ZNF804B: variants seen among roughly 807,000 people sequenced by gnomAD.
The protein encoded by ZNF804B is zinc finger 804B.
A neutral mutation model predicts 101.4 loss-of-function variants in ZNF804B; 80 were observed. That is an observed-to-expected ratio of 0.79 (90% confidence interval 0.66 to 0.95). The LOEUF is 0.95. ZNF804B is among the 40% of genes least tolerant of loss of function. The pLI, the probability that ZNF804B is intolerant of heterozygous loss-of-function variation, is 0.00. For synonymous variants in ZNF804B, 622 were observed against 558.8 expected, an observed-to-expected ratio of 1.11 and a Z score of -1.59; for missense variants, 1,673 against 1,561.9, an observed-to-expected ratio of 1.07 and a Z score of -1.20.
chr7:89,121,336 A>G (rs1583998688), intron 1 of ZNF804B, among the ~76,000 whole-genome samples: 1 of 151,908 alleles, frequency 6.6e-6, no homozygotes, highest in Admixed American at 6.6e-5. Context: ...GTGAGTTGTT[A>G]AGATGTCTCT....
intron 1 of ZNF804B, among the ~76,000 whole-genome samples, chr7:88,951,206 A>G (rs1793212396): frequency 6.6e-6 from 1 of 151,856 alleles, no homozygotes; most frequent in Non-Finnish European, 1.5e-5. Flanking sequence ...TTTCTATGTT[A>G]GTGCTTAGTC....
At chr7:88,953,488 G>A (rs988908782) in intron 1 of ZNF804B, among the ~76,000 whole-genome samples, 1 of 151,666 alleles carries the variant, frequency 6.6e-6, no homozygotes, top group Non-Finnish European at 1.5e-5. Flanking sequence ...TTTATTGTCT[G>A]TCTTGATTTT....
intron 1 of ZNF804B, among the ~76,000 whole-genome samples, chr7:88,867,436 G>A (rs557509505): frequency 6.6e-6 from 1 of 152,162 alleles, no homozygotes; most frequent in Non-Finnish European, 1.5e-5. Context: ...GAAAAAGGGT[G>A]TCCCAGATCC....
chr7:89,269,457 C>A (rs1041971014), intron 2 of ZNF804B, among the ~76,000 whole-genome samples: 2 of 152,198 alleles, frequency 1.3e-5, no homozygotes, highest in African/African-American at 2.4e-5. Flanking sequence ...TTAATCCAGT[C>A]TGTCATTGGT....
intron 1 of ZNF804B, among the ~76,000 whole-genome samples, chr7:89,101,255 T>C (rs1790051129): frequency 6.6e-6 from 1 of 152,014 alleles, no homozygotes; most frequent in Non-Finnish European, 1.5e-5. Flanking sequence ...TTGAGCTATT[T>C]TCATGGTGTG....
intron 2 of ZNF804B, among the ~76,000 whole-genome samples, chr7:89,256,622 A>T (rs894888017): frequency 7.2e-5 from 11 of 152,196 alleles, no homozygotes; most frequent in Non-Finnish European, 1.5e-4. Flanking sequence ...ATCACATCCA[A>T]ATAGATGAAG....
Position 89,218,205 on chromosome 7 carries a change from A to C in ZNF804B, c.159A>C (p.Ala53=), listed in dbSNP as rs1441986147. Residue 53 remains alanine, a synonymous_variant, in exon 2 of 4, where the codon GCA becomes GCC. Coordinates refer to ENST00000333190, the MANE Select transcript of ZNF804B (RefSeq NM_181646.5). ...STAKALEDVK[A]NFYCELCDKQ... ...CAAAGGCCCTGGAAGATGTAAAGGC[A>C]AACTTTTACTGTGAATTATGTGACA... The C allele has an allele frequency of 1.2e-6, 2 of 1,613,940 alleles. No individual in the cohort carries two copies. Among genetic ancestry groups the C allele is most frequent in the East Asian group, 4.5e-5 (2 of 44,844 alleles).
intron 2 of ZNF804B, among the ~76,000 whole-genome samples, chr7:89,323,274 A>C (rs1790847709): frequency 6.6e-6 from 1 of 152,238 alleles, no homozygotes; most frequent in Non-Finnish European, 1.5e-5. Flanking sequence ...GTGGTATTCT[A>C]TTATAGCAAA....
intron 1 of ZNF804B, among the ~76,000 whole-genome samples, chr7:89,196,071 A>G (rs951184990): frequency 5.9e-5 from 9 of 152,150 alleles, no homozygotes; most frequent in African/African-American, 1.7e-4. Flanking sequence ...TTCATATGGA[A>G]CCAAAAAAAG....
intron 1 of ZNF804B, among the ~76,000 whole-genome samples, chr7:89,051,768 T>C (rs1789209164): frequency 6.6e-6 from 1 of 152,156 alleles, no homozygotes; most frequent in Non-Finnish European, 1.5e-5. Context: ...TATAGTGTCA[T>C]GGTTACAAGC....
intron 1 of ZNF804B, among the ~76,000 whole-genome samples, chr7:89,084,615 T>A (rs1256633345): frequency 6.6e-6 from 1 of 151,996 alleles, no homozygotes; most frequent in Non-Finnish European, 1.5e-5. Context: ...CTTCCAGATC[T>A]GACTTAGATT....
chr7:89,155,942 C>CCTT (rs1554371227), intron 1 of ZNF804B, among the ~76,000 whole-genome samples: 1 of 149,512 alleles, frequency 6.7e-6, no homozygotes, highest in Non-Finnish European at 1.5e-5. Context: ...CCCTTTCTCT[C>CCTT]CCTTCCTACC....
chr7:88,850,835 A>G (rs1013070711), intron 1 of ZNF804B, among the ~76,000 whole-genome samples: 2 of 152,264 alleles, frequency 1.3e-5, no homozygotes, highest in Non-Finnish European at 2.9e-5. Context: ...TAATCCATAA[A>G]TGACACAGAT....
Position 89,011,794 on chromosome 7 carries a change from G to C in ZNF804B, c.109-206361G>C, listed in dbSNP as rs541498890. Among the ~76,000 whole-genome samples, 10 of 152,238 alleles carry C rather than the reference G, an allele frequency of 6.6e-5. No homozygotes were observed. In the South Asian group the frequency reaches 2.1e-3, roughly 32 times the overall value. On this transcript the variant is annotated intron_variant, in intron 1 of 3. Coordinates refer to ENST00000333190, the MANE Select transcript of ZNF804B (RefSeq NM_181646.5). ...CTCGCAGCTTTTATGGGCTGGCTTTGACTGTCTGTAGCTTTACTAGGTGCA... is the reference window on the plus strand; with the variant it reads ...CTCGCAGCTTTTATGGGCTGGCTTTCACTGTCTGTAGCTTTACTAGGTGCA...
At chr7:89,094,956 G>A (rs77318771) in intron 1 of ZNF804B, among the ~76,000 whole-genome samples, 1,856 of 152,134 alleles carry the variant, frequency 0.012, 31 homozygotes, top group African/African-American at 0.042. Flanking sequence ...CAATAAATAC[G>A]AAAGTTAAAA....
chr7:89,306,680 A>G (rs1790566480), intron 2 of ZNF804B, among the ~76,000 whole-genome samples: 1 of 152,040 alleles, frequency 6.6e-6, no homozygotes, highest in Non-Finnish European at 1.5e-5. Context: ...TTGTTAACTT[A>G]AGCTAATTTT....
intron 2 of ZNF804B, among the ~76,000 whole-genome samples, chr7:89,220,125 AC>A (rs1177201154): frequency 7.7e-6 from 1 of 130,620 alleles, no homozygotes; most frequent in East Asian, 2.0e-4. Context: ...ACATATATAT[AC>A]GCACACATAT....
At chr7:89,060,101 T>C (rs1789355989) in intron 1 of ZNF804B, among the ~76,000 whole-genome samples, 1 of 152,114 alleles carries the variant, frequency 6.6e-6, no homozygotes, top group South Asian at 2.1e-4. Context: ...TCTGAGGCCT[T>C]GGGACTTGGA....
intron 1 of ZNF804B, among the ~76,000 whole-genome samples, chr7:89,043,946 A>G (rs1320851254): frequency 6.6e-6 from 1 of 152,210 alleles, no homozygotes; most frequent in African/African-American, 2.4e-5. Context: ...AGTACATTCT[A>G]AAGAATTTAT....
Sources: gnomAD v4.1 joint callset for allele counts (sites outside exome capture counted in the v4.1 genomes callset) on GRCh38, gnomAD v4.1.1 for gene constraint, MANE v1.5 for transcripts, NCBI Gene and HGNC (gene_info 2026-07-23, HGNC 2026-07-21) for gene names.